Variants in PRRC2B observed in about 807,000 individuals in gnomAD.
PRRC2B encodes protein PRRC2B.
In PRRC2B, 68 loss-of-function variants were observed where a neutral mutation model predicts 242.3. That is an observed-to-expected ratio of 0.28 (90% CI 0.23 to 0.34). The LOEUF is 0.34. Ranked by LOEUF, PRRC2B falls within the 10% of genes least tolerant of loss-of-function variation. The probability of loss-of-function intolerance (pLI) is 1.00; values close to 1 mark genes in which losing one functional copy is unlikely to be tolerated. For missense variants in PRRC2B, 2,835 were observed against 2,954.8 expected (o/e 0.96, Z 0.94); for synonymous variants, 1,228 against 1,173.6 (o/e 1.05, Z -0.95).
At chr9:131,491,803 C>T (rs1944203324) in intron 29 of PRRC2B, among the ~76,000 whole-genome samples, 1 of 152,196 alleles carries the variant, frequency 6.6e-6, no homozygotes, top group South Asian at 2.1e-4. Context: ...CCCCAGCTCC[C>T]CAGGAGGCCC....
intron 1 of PRRC2B, among the ~76,000 whole-genome samples, chr9:131,378,597 G>A (rs1168478317): frequency 6.6e-6 from 1 of 152,210 alleles, no homozygotes; most frequent in Non-Finnish European, 1.5e-5. Flanking sequence ...CTGGGAGGGT[G>A]AGCTGAACAC....
intron 3 of PRRC2B, 98 bp downstream of exon 3, chr9:131,432,892 G>A: frequency 8.1e-7 from 1 of 1,239,262 alleles, no homozygotes; most frequent in Admixed American, 2.3e-5. Flanking sequence ...TTTGGCTACT[G>A]CAGCGCTAGT....
At chr9:131,409,669 G>A (rs1450030720) in intron 1 of PRRC2B, among the ~76,000 whole-genome samples, 1 of 152,204 alleles carries the variant, frequency 6.6e-6, no homozygotes, top group African/African-American at 2.4e-5. Context: ...TTACCGTGAG[G>A]TAAGAGCTGC....
intron 14 of PRRC2B, among the ~76,000 whole-genome samples, chr9:131,471,727 A>C (rs577610349): frequency 6.6e-6 from 1 of 152,140 alleles, no homozygotes; most frequent in Non-Finnish European, 1.5e-5. Context: ...TTGCTGACCA[A>C]CTCCTGACTT....
chr9:131,484,161 G>A (rs920892711), intron 23 of PRRC2B, among the ~76,000 whole-genome samples: 3 of 152,208 alleles, frequency 2.0e-5, no homozygotes, highest in African/African-American at 7.2e-5. Flanking sequence ...TGCAGGAAGC[G>A]GGGGCACTGT....
At position 131,470,832 on chromosome 9, in the gene PRRC2B, G is replaced by A. The variant is rs761397261; in HGVS notation, c.1956G>A (p.Pro652=). ...KMQHWQPVYP[P]PSHPQRTFYP... ...AGCACTGGCAGCCGGTGTACCCCCC[G>A]CCGTCCCACCCCCAGCGCACCTTTT... Residue 652 remains proline, a synonymous_variant, in exon 14 of 32, where the codon CCG becomes CCA. Transcript: ENST00000683519. 24 of 1,399,460 alleles carry A rather than the reference G, an allele frequency of 1.7e-5. No individual in the cohort carries two copies. The highest frequency in any genetic ancestry group is 1.6e-4 in the African/African-American group (11 of 66,818). 86.7% of individuals were successfully genotyped at this position (1,399,460 alleles called of 1,614,324 possible).
At chr9:131,380,553 T>A (rs1322378337) in intron 1 of PRRC2B, among the ~76,000 whole-genome samples, 2 of 142,224 alleles carry the variant, frequency 1.4e-5, no homozygotes, top group Non-Finnish European at 3.0e-5. Flanking sequence ...CACTCCAGCC[T>A]GCAAAACAGA....
chr9:131,456,588 G>C, intron 10 of PRRC2B, among the ~76,000 whole-genome samples: 1 of 151,354 alleles, frequency 6.6e-6, no homozygotes, highest in Non-Finnish European at 1.5e-5. Flanking sequence ...CCGAGATCAC[G>C]CCACATGCCA....
chr9:131,467,865 C>G, intron 13 of PRRC2B, 112 bp downstream of exon 13: 1 of 1,065,492 alleles, frequency 9.4e-7, no homozygotes, highest in Non-Finnish European at 1.3e-6. Context: ...GCCAGAATAT[C>G]CCTTATGTGC....
intron 1 of PRRC2B, among the ~76,000 whole-genome samples, chr9:131,420,024 C>G (rs1837759502): frequency 6.6e-6 from 1 of 152,160 alleles, no homozygotes; most frequent in Admixed American, 6.5e-5. Context: ...CCCCCCAGTT[C>G]TCCACTGGGG....
chr9:131,475,685 G>C lies in PRRC2B; in HGVS notation c.3556G>C (p.Glu1186Gln), dbSNP rs766296264. ...DSWRSNKGCSEDHSGLDAKSR... is the reference protein window; with the variant it reads ...DSWRSNKGCSQDHSGLDAKSR... ...TTGGCGGTCCAACAAGGGGTGCTCTGAGGACCACAGCGGTCTAGATGCCAA... is the reference window on the plus strand; with the variant it reads ...TTGGCGGTCCAACAAGGGGTGCTCTCAGGACCACAGCGGTCTAGATGCCAA... The change falls in exon 16 of 32, where the codon GAG (glutamate) becomes CAG (glutamine). Residue 1186 changes from glutamate (E) to glutamine (Q), a missense_variant. Glu to Gln is a conservative substitution (Grantham distance 29, BLOSUM62 2). Around this residue, in one of 7 missense-constraint regions of PRRC2B, gnomAD observed 1,536 missense variants for 1,483.1 expected, o/e 1.04. Coordinates refer to ENST00000683519, the MANE Select transcript of PRRC2B (RefSeq NM_013318.4). The C allele has an allele frequency of 3.3e-5, 53 of 1,612,472 alleles. No homozygotes were observed. In the South Asian group the frequency reaches 5.8e-4, roughly 18 times the overall value.
At chr9:131,414,975 A>G (rs940037995) in intron 1 of PRRC2B, among the ~76,000 whole-genome samples, 2 of 152,180 alleles carry the variant, frequency 1.3e-5, no homozygotes, top group Non-Finnish European at 1.5e-5. Flanking sequence ...TAATTTGGAC[A>G]TAATGACAGC....
chr9:131,393,245 G>T (rs977840657), upstream of PRRC2B, among the ~76,000 whole-genome samples: 5 of 152,344 alleles, frequency 3.3e-5, no homozygotes, highest in African/African-American at 9.6e-5. Context: ...CCCGCAGCTG[G>T]TGCTTAGAGC....
upstream of PRRC2B, among the ~76,000 whole-genome samples, chr9:131,389,915 G>GTTGTTTTTTTTTTTTTTTTTT (rs1564271137): frequency 1.1e-5 from 1 of 93,446 alleles, no homozygotes. Context: ...GAACATGGTT[G>GTTGTTTTTTTTTTTTTTTTTT]TTTTTTTTTT....
chr9:131,481,353 T>TA (rs1022365480), intron 19 of PRRC2B, among the ~76,000 whole-genome samples: 4 of 145,246 alleles, frequency 2.8e-5, no homozygotes, highest in African/African-American at 7.7e-5. Flanking sequence ...TTTTTTAATG[T>TA]AAAAAAAGAG....
In PRRC2B at chr9:131,500,016, G is replaced by C. The variant is rs1190969381; in HGVS notation, c.*4142G>C. 1 of 152,144 alleles carries C rather than the reference G, an allele frequency of 6.6e-6. No individual in the cohort carries two copies. Among genetic ancestry groups the C allele is most frequent in the African/African-American group, 2.4e-5 (1 of 41,422 alleles). 9.4% of individuals were successfully genotyped at this position (152,144 alleles called of 1,614,324 possible). A position where few individuals can be genotyped will look rare whatever the true frequency, so the allele number is the denominator to read the frequency against. On this transcript the variant is annotated 3_prime_UTR_variant, in exon 32 of 32. Coordinates refer to ENST00000683519, the MANE Select transcript of PRRC2B (RefSeq NM_013318.4). ...GCAGCTTGTTTATACGGTATTTTGG[G>C]AAACTTACCTTGGATGGGAAATCGA... is the stretch of plus-strand genomic sequence containing the variant.
chr9:131,493,124 C>T (rs1944241928), intron 30 of PRRC2B, among the ~76,000 whole-genome samples: 1 of 122,728 alleles, frequency 8.1e-6, no homozygotes, highest in African/African-American at 3.0e-5. Flanking sequence ...GCTCCAGCTG[C>T]ACCCCCTCTG....
intron 25 of PRRC2B, among the ~76,000 whole-genome samples, 165 bp from the exon 26 acceptor site, chr9:131,485,920 G>A (rs114046567): frequency 1.3e-5 from 2 of 152,108 alleles, no homozygotes; most frequent in Non-Finnish European, 2.9e-5. Flanking sequence ...TTGTGAGCAG[G>A]CGTGTGCTTC....
chr9:131,487,876 C>G lies in PRRC2B; in HGVS notation c.6005C>G (p.Pro2002Arg). The G allele has an allele frequency of 6.2e-7, 1 of 1,611,948 alleles. No individual in the cohort carries two copies. Among genetic ancestry groups the G allele is most frequent in the Non-Finnish European group, 8.5e-7 (1 of 1,178,282 alleles). ...QPFRSQVYMHPSLSPPSTMIL... is the reference protein window; with the variant it reads ...QPFRSQVYMHRSLSPPSTMIL... ...TGCAGATCTCAGGTGTACATGCACCCCAGCCTGTCACCGCCCAGCACCATG... is the reference window on the plus strand; with the variant it reads ...TGCAGATCTCAGGTGTACATGCACCGCAGCCTGTCACCGCCCAGCACCATG... Residue 2002 changes from proline (P) to arginine (R), a missense_variant, in exon 28 of 32, where the codon CCC (proline) becomes CGC (arginine). Physicochemically the swap from Pro to Arg is moderately radical, Grantham distance 103 (BLOSUM62 -2). Coordinates refer to ENST00000683519, the MANE Select transcript of PRRC2B (RefSeq NM_013318.4). The surrounding 1 kb of genome is among the most constrained non-coding windows in gnomAD (Gnocchi z 5.3).
Sources: allele counts gnomAD v4.1 joint callset (sites outside exome capture counted in the v4.1 genomes callset), GRCh38; gene constraint gnomAD v4.1.1; regional missense constraint gnomAD v4.1.1; non-coding constraint Gnocchi (gnomAD v3.1); transcripts MANE v1.5; gene names NCBI Gene and HGNC (gene_info 2026-07-23, HGNC 2026-07-21).